CNTN1: variants seen among roughly 807,000 people sequenced by gnomAD.
CNTN1 encodes the protein contactin 1, also known as contactin-1.
Under a neutral mutation model 126.4 loss-of-function variants are expected in CNTN1, and 38 were observed. The ratio of observed to expected loss-of-function variants is 0.30; its 90% CI spans 0.23 to 0.39. CNTN1 has a LOEUF of 0.39. Ranked by LOEUF, CNTN1 falls within the 10% of genes least tolerant of loss-of-function variation. The probability of loss-of-function intolerance (pLI) is 1.00; values close to 1 mark genes in which losing one functional copy is unlikely to be tolerated. For missense variants in CNTN1, 1,009 were observed against 1,248.4 expected (o/e 0.81, Z 2.89); for synonymous variants, 413 against 422.6 (o/e 0.98, Z 0.28).
intron 1 of CNTN1, among the ~76,000 whole-genome samples, chr12:40,868,880 A>G (rs1943394977): frequency 6.6e-6 from 1 of 152,164 alleles, no homozygotes; most frequent in South Asian, 2.1e-4. Flanking sequence ...TAGATGCTTT[A>G]AAAAGAGTTG....
intron 14 of CNTN1, among the ~76,000 whole-genome samples, chr12:40,949,569 C>CTTTTTTTTTTTTTTTT (rs36070275): frequency 2.6e-4 from 17 of 64,344 alleles, no homozygotes; most frequent in East Asian, 5.3e-4. Context: ...TCTTTTCTTT[C>CTTTTTTTTTTTTTTTT]TTTTTTTTTT....
At chr12:40,696,323 A>G (rs1941451908) in intron 1 of CNTN1, among the ~76,000 whole-genome samples, 1 of 152,146 alleles carries the variant, frequency 6.6e-6, no homozygotes, top group African/African-American at 2.4e-5. Flanking sequence ...CTCTAGTCCA[A>G]GTGTTCACCA....
At chr12:41,038,170 A>T (rs1949311251) in intron 23 of CNTN1, among the ~76,000 whole-genome samples, 1 of 152,132 alleles carries the variant, frequency 6.6e-6, no homozygotes, top group South Asian at 2.1e-4. Flanking sequence ...ATAAATGAAT[A>T]AATAAATAAA....
intron 23 of CNTN1, 53 bp from the exon 24 acceptor site, chr12:41,069,906 A>G (rs1950127980): frequency 7.0e-7 from 1 of 1,429,006 alleles, no homozygotes; most frequent in African/African-American, 1.4e-5. Context: ...CTAAATGAGC[A>G]ATAGTGACAT....
chr12:40,915,779 A>G (rs1945214169), intron 3 of CNTN1, among the ~76,000 whole-genome samples: 1 of 151,996 alleles, frequency 6.6e-6, no homozygotes, highest in South Asian at 2.1e-4. Context: ...CTAAAAACTT[A>G]CTGAAGTACC....
chr12:40,869,366 C>A (rs78389595), intron 1 of CNTN1, among the ~76,000 whole-genome samples: 2 of 151,586 alleles, frequency 1.3e-5, no homozygotes, highest in African/African-American at 4.9e-5. Context: ...TCCCTGGGAT[C>A]AAGTGATCCT....
At chr12:40,904,378 C>T (rs1021863780) in intron 1 of CNTN1, among the ~76,000 whole-genome samples, 8 of 109,762 alleles carry the variant, frequency 7.3e-5, no homozygotes, top group South Asian at 2.8e-4. Flanking sequence ...TCCTTCCTTC[C>T]TTCTTTCCTT....
intron 15 of CNTN1, among the ~76,000 whole-genome samples, chr12:40,976,864 A>G (rs1035698760): frequency 6.6e-6 from 1 of 152,174 alleles, no homozygotes; most frequent in African/African-American, 2.4e-5. Context: ...CTTAATACAC[A>G]GAGTATCTTC....
intron 1 of CNTN1, among the ~76,000 whole-genome samples, chr12:40,875,640 TAA>T (rs1298435724): frequency 7.2e-5 from 11 of 152,160 alleles, no homozygotes; most frequent in African/African-American, 2.7e-4. Flanking sequence ...TGACCTTTTT[TAA>T]TCTATCAAAA....
intron 1 of CNTN1, among the ~76,000 whole-genome samples, chr12:40,768,768 G>A (rs916127034): frequency 6.6e-6 from 1 of 152,202 alleles, no homozygotes; most frequent in South Asian, 2.1e-4. Flanking sequence ...TTCTCTGAAT[G>A]CAAAGTGAGA....
At chr12:40,776,268 A>T (rs914559909) in intron 1 of CNTN1, among the ~76,000 whole-genome samples, 3 of 151,748 alleles carry the variant, frequency 2.0e-5, no homozygotes, top group African/African-American at 7.2e-5. Flanking sequence ...GTTCTCAACA[A>T]GAGTTGGACA....
intron 1 of CNTN1, among the ~76,000 whole-genome samples, chr12:40,752,663 A>T (rs1005275517): frequency 6.6e-6 from 1 of 152,116 alleles, no homozygotes; most frequent in African/African-American, 2.4e-5. Context: ...TCTTGATTCC[A>T]GGAAGTTTCC....
At chr12:40,865,937 C>A (rs1314915322) in intron 1 of CNTN1, among the ~76,000 whole-genome samples, 2 of 151,976 alleles carry the variant, frequency 1.3e-5, no homozygotes, top group African/African-American at 4.8e-5. Flanking sequence ...TATATTAAGT[C>A]TTCTGAACAA....
At chr12:40,760,033 C>CT (rs1268761818) in intron 1 of CNTN1, among the ~76,000 whole-genome samples, 2 of 152,146 alleles carry the variant, frequency 1.3e-5, no homozygotes, top group South Asian at 2.1e-4. Flanking sequence ...CAGGGACATA[C>CT]TTTAATACCT....
chr12:40,730,070 A>G (rs1197113937), intron 1 of CNTN1, among the ~76,000 whole-genome samples: 2 of 152,222 alleles, frequency 1.3e-5, no homozygotes, highest in Non-Finnish European at 2.9e-5. Flanking sequence ...TTGAGTCTAA[A>G]AAAGCTGAGA....
At chr12:40,782,371 T>C (rs1300801455) in intron 1 of CNTN1, among the ~76,000 whole-genome samples, 1 of 152,016 alleles carries the variant, frequency 6.6e-6, no homozygotes, top group Non-Finnish European at 1.5e-5. Flanking sequence ...TTTATGAATA[T>C]GCCAAAACCT....
chr12:40,813,011 C>A (rs1203367649), intron 1 of CNTN1, among the ~76,000 whole-genome samples: 1 of 115,016 alleles, frequency 8.7e-6, no homozygotes, highest in African/African-American at 3.0e-5. Flanking sequence ...TTCCTTCCTT[C>A]CATCCTTTCT....
At chr12:40,905,293 A>G (rs1485589748) in intron 1 of CNTN1, among the ~76,000 whole-genome samples, 1 of 152,202 alleles carries the variant, frequency 6.6e-6, no homozygotes, top group Non-Finnish European at 1.5e-5. Flanking sequence ...ACTTCTTTCC[A>G]GATTATCTAT....
intron 16 of CNTN1, among the ~76,000 whole-genome samples, chr12:40,988,450 T>C (rs1948020187): frequency 1.3e-5 from 2 of 152,156 alleles, no homozygotes; most frequent in African/African-American, 2.4e-5. Context: ...ATCTGTTTTT[T>C]AGTCCTGAAG....
Sources: allele counts gnomAD v4.1 joint callset (sites outside exome capture counted in the v4.1 genomes callset), GRCh38; gene constraint gnomAD v4.1.1; transcripts MANE v1.5; gene names NCBI Gene and HGNC (gene_info 2026-07-23, HGNC 2026-07-21).